Variants in QSOX2 observed in about 807,000 individuals in gnomAD.
QSOX2 encodes the protein quiescin sulfhydryl oxidase 2.
A neutral mutation model predicts 61.7 loss-of-function variants in QSOX2; 46 were observed. The observed-to-expected ratio is 0.75, with a 90% CI of 0.59 to 0.95. The LOEUF (loss-of-function observed/expected upper bound fraction) is 0.95. QSOX2 is among the 40% of genes least tolerant of loss of function. The pLI, the probability that QSOX2 is intolerant of heterozygous loss-of-function variation, is 0.00. For synonymous variants in QSOX2, 383 were observed against 388.4 expected (o/e 0.99, Z 0.16); for missense variants, 879 against 918.9 (o/e 0.96, Z 0.56).
intron 11 of QSOX2, chr9:136,210,491 C>A: frequency 1.0e-6 from 1 of 985,442 alleles, no homozygotes; most frequent in African/African-American, 1.7e-5. Flanking sequence ...ACAGGGAGCT[C>A]TGTGGGCGGC....
rs1289284621 is a variant in QSOX2, at chr9:136,219,072, T to C, written c.914A>G (p.Lys305Arg). 4 of 1,613,980 alleles carry C rather than the reference T, an allele frequency of 2.5e-6. No individual in the cohort carries two copies. Among genetic ancestry groups the C allele is most frequent in the Admixed American group, 1.7e-5 (1 of 60,004 alleles). The change falls in exon 7 of 12, where the codon AAA becomes AGA. Residue 305 changes from lysine to arginine, a missense_variant. Lys to Arg is a conservative substitution (Grantham distance 26). Transcript: ENST00000358701. Reference sequence around the variant, plus strand: ...AACCACGATTTCTGAATTTTCTTCTTTGTGTGGCTTTTCAGGCAAGGGAAG... The same window carrying C: ...AACCACGATTTCTGAATTTTCTTCTCTGTGTGGCTTTTCAGGCAAGGGAAG... The part of the protein sequence containing the change: ...KSLPLPEKPH[K>R]EENSEIVVWR...
chr9:136,224,776 A>G, intron 3 of QSOX2, 85 bp downstream of exon 3: 2 of 863,030 alleles, frequency 2.3e-6, no homozygotes, highest in East Asian at 2.8e-5. Flanking sequence ...CCAGGCTGGG[A>G]GCTCCCCAGG....
In QSOX2 at chr9:136,209,906, C is replaced by T. The variant is rs1012030335; in HGVS notation, c.1550-631G>A. 4.2e-5 allele frequency: 41 copies of T among 985,294 alleles called. No individual in the cohort carries two copies. The highest frequency in any genetic ancestry group is 3.4e-4 in the East Asian group (3 of 8,784). 61.0% of individuals were successfully genotyped at this position (985,294 alleles called of 1,614,324 possible). On this transcript the variant is annotated intron_variant, in intron 11 of 11. Coordinates refer to ENST00000358701, the MANE Select transcript of QSOX2 (RefSeq NM_181701.4). The surrounding 1 kb of genome is among the most constrained non-coding windows in gnomAD (Gnocchi z 5.6). Reference sequence around the variant, plus strand: ...CTCACTTCCAGGCCCAACAGGCATCCGTCATGCAGAAGCTGCGGCGCACGG... The same window carrying T: ...CTCACTTCCAGGCCCAACAGGCATCTGTCATGCAGAAGCTGCGGCGCACGG...
At position 136,223,134 on chromosome 9, in the gene QSOX2, C is replaced by G. The variant is rs993510343; in HGVS notation, c.675+629G>C. On this transcript the variant is annotated intron_variant, in intron 5 of 11. Coordinates refer to ENST00000358701, the MANE Select transcript of QSOX2 (RefSeq NM_181701.4). This position sits in a 1 kb window ranked among gnomAD's most constrained non-coding sequence, Gnocchi z 4.4. ...AGGCCCCTCACAGTGGACAGAAAAA[C>G]AGTCGCCTATCAAGTTGCAAGGAGG... 7.9e-5 allele frequency among the ~76,000 whole-genome samples: 12 copies of G among 152,208 alleles called. No homozygotes were observed. The highest frequency in any genetic ancestry group is 1.6e-4 in the Non-Finnish European group (11 of 68,038).
At chr9:136,228,596 C>T (rs1022047212) in intron 1 of QSOX2, among the ~76,000 whole-genome samples, 3 of 152,308 alleles carry the variant, frequency 2.0e-5, no homozygotes, top group East Asian at 3.9e-4. Context: ...ATCCTGGAGC[C>T]TGGAGGCCTC....
chr9:136,242,979 GC>G lies in QSOX2; in HGVS notation c.328+2496del, dbSNP rs1382378316. Among the ~76,000 whole-genome samples, 6 of 152,330 alleles carry G rather than the reference GC, an allele frequency of 3.9e-5. No homozygotes were observed. The South Asian group carries it at 1.0e-3, about 26-fold the overall frequency. Reference sequence around the variant, plus strand: ...GGCAACCTGAGGAAAGAAATTCCAGGCCCTGACGGCAAGGGAGGTCAGACAC... The same window carrying G: ...GGCAACCTGAGGAAAGAAATTCCAGGCCTGACGGCAAGGGAGGTCAGACAC... On this transcript the variant is annotated intron_variant, in intron 1 of 11. Transcript: ENST00000358701.
chr9:136,224,222 G>A lies in QSOX2; in HGVS notation c.479-110C>T, dbSNP rs555646227. On this transcript the variant is annotated intron_variant, in intron 3 of 11. Transcript: ENST00000358701. ...CAGCCTGGGGCCCAAAGACAGCAGGGTGCAGGTGGCAGCAACATGTGCAAT... is the reference window on the plus strand; with the variant it reads ...CAGCCTGGGGCCCAAAGACAGCAGGATGCAGGTGGCAGCAACATGTGCAAT... 3.9e-4 allele frequency: 315 copies of A among 800,836 alleles called. 2 individuals are homozygous for A. Among genetic ancestry groups the A allele is most frequent in the South Asian group, 2.9e-3 (180 of 62,276 alleles). 49.6% of individuals were successfully genotyped at this position (800,836 alleles called of 1,614,324 possible).
chr9:136,219,175 G>A lies in QSOX2; in HGVS notation c.822-11C>T, dbSNP rs184115681. On this transcript the variant is annotated splice_polypyrimidine_tract_variant and intron_variant, in intron 6 of 11. Transcript: ENST00000358701. ...CGCAGAGGCTTCACGCTGTGAGAGA[G>A]GGGAGGGCAAAGGTGAGAAGAGCCT... The A allele has an allele frequency of 3.3e-3, 5,371 of 1,611,320 alleles. 65 individuals are homozygous for A. The Middle Eastern group carries it at 0.042, about 13-fold the overall frequency.
At chr9:136,232,250 C>T (rs565749395) in intron 1 of QSOX2, among the ~76,000 whole-genome samples, 28 of 152,314 alleles carry the variant, frequency 1.8e-4, no homozygotes, top group South Asian at 6.2e-4. Flanking sequence ...GAGCGCTTTC[C>T]GCACAGGGCA....
In QSOX2 at chr9:136,221,839, A is replaced by G; in HGVS notation, c.778T>C (p.Cys260Arg). The G allele has an allele frequency of 6.2e-7, 1 of 1,612,924 alleles. No homozygotes were observed. Among genetic ancestry groups the G allele is most frequent in the Non-Finnish European group, 8.5e-7 (1 of 1,179,522 alleles). The change falls in exon 6 of 12, where the codon TGT becomes CGT. Residue 260 changes from cysteine (C) to arginine (R), a missense_variant. Coordinates refer to ENST00000358701, the MANE Select transcript of QSOX2 (RefSeq NM_181701.4). This position sits in a 1 kb window ranked among gnomAD's most constrained non-coding sequence, Gnocchi z 4.5. The stretch of plus-strand genomic sequence containing the variant: ...GACCCATTTGGGTAGATCAGGTAAC[A>G]CGAAGGGACTGAAGAAACACCAAGT... Reference protein sequence around the residue: ...EKLGVSSVPSCYLIYPNGSHG... With the variant: ...EKLGVSSVPSRYLIYPNGSHG...
At chr9:136,214,707 T>C (rs1313020981) in intron 10 of QSOX2, among the ~76,000 whole-genome samples, 2 of 152,236 alleles carry the variant, frequency 1.3e-5, no homozygotes, top group African/African-American at 2.4e-5. Context: ...GATGAGGCCA[T>C]GCCCGGCCCT....
At chr9:136,235,877 C>T (rs1830376586) in intron 1 of QSOX2, among the ~76,000 whole-genome samples, 1 of 152,226 alleles carries the variant, frequency 6.6e-6, no homozygotes, top group African/African-American at 2.4e-5. Context: ...CCTGCAGGCA[C>T]TTCCTCTATG....
intron 7 of QSOX2, 26 bp downstream of exon 7, chr9:136,219,004 G>A: frequency 3.1e-6 from 5 of 1,613,182 alleles, no homozygotes; most frequent in Non-Finnish European, 4.2e-6. Context: ...TGTCTCCGGG[G>A]GCTTCAGTTC....
chr9:136,236,287 G>A (rs556283897), intron 1 of QSOX2, among the ~76,000 whole-genome samples: 3 of 152,368 alleles, frequency 2.0e-5, no homozygotes, highest in South Asian at 4.1e-4. Context: ...GCTGTGTGCC[G>A]GCCCCTGGGG....
chr9:136,217,133 C>T (rs1350170064), intron 8 of QSOX2, among the ~76,000 whole-genome samples: 1 of 152,268 alleles, frequency 6.6e-6, no homozygotes, highest in African/African-American at 2.4e-5. Flanking sequence ...GGCTTCCCCT[C>T]TGCCGTCACT....
rs1166304435 is a variant in QSOX2 at position 136,214,871 on chromosome 9, C to T, written c.1360+283G>A. Among the ~76,000 whole-genome samples the T allele has an allele frequency of 2.0e-5, 3 of 152,236 alleles. No individual in the cohort carries two copies. In the East Asian group the frequency reaches 5.8e-4, roughly 29 times the overall value. On this transcript the variant is annotated intron_variant, in intron 10 of 11. Transcript: ENST00000358701. ...TAAAGCAAAAAACAGGGAGTTTACACTGCAGGGAAACTCCCAGCCAGCACT... is the reference window on the plus strand; with the variant it reads ...TAAAGCAAAAAACAGGGAGTTTACATTGCAGGGAAACTCCCAGCCAGCACT...
intron 3 of QSOX2, among the ~76,000 whole-genome samples, chr9:136,224,537 C>A (rs866361035): frequency 2.0e-5 from 3 of 152,130 alleles, no homozygotes; most frequent in Admixed American, 1.3e-4. Context: ...ACACTCTGGG[C>A]GATGCTCGGC....
Position 136,221,021 on chromosome 9 carries a change from G to A in QSOX2, c.821+775C>T, listed in dbSNP as rs1434496394. On this transcript the variant is annotated intron_variant, in intron 6 of 11. Coordinates refer to ENST00000358701, the MANE Select transcript of QSOX2 (RefSeq NM_181701.4). The surrounding 1 kb of genome is among the most constrained non-coding windows in gnomAD (Gnocchi z 4.5). ...ATTCAAGTTGTTTACTTTTTCATTG[G>A]GCTTATCCGAGGGGCACACAGGCAC... Among the ~76,000 whole-genome samples the A allele has an allele frequency of 6.6e-6, 1 of 151,980 alleles. No individual in the cohort carries two copies. Among genetic ancestry groups the A allele is most frequent in the Non-Finnish European group, 1.5e-5 (1 of 68,010 alleles).
Position 136,208,834 on chromosome 9 carries a change from CAG to C in QSOX2, c.1989_1990del (p.Val665ArgfsTer91), listed in dbSNP as rs761084387. On this transcript the variant is annotated frameshift_variant, in exon 12 of 12. Transcript: ENST00000358701. LOFTEE classifies it high-confidence loss of function. ...GGATGAAGCCACGTACAGCACGACA[CAG>C]AGACTCATGTCCAGGCTGGAGAAGT... 6 of 1,614,068 alleles carry C rather than the reference CAG, an allele frequency of 3.7e-6. No individual in the cohort carries two copies. In the Admixed American group the frequency reaches 6.7e-5, roughly 18 times the overall value.
Sources: allele counts gnomAD v4.1 joint callset (sites outside exome capture counted in the v4.1 genomes callset), GRCh38; gene constraint gnomAD v4.1.1; non-coding constraint Gnocchi (gnomAD v3.1); transcripts MANE v1.5; gene names NCBI Gene and HGNC (gene_info 2026-07-23, HGNC 2026-07-21).